Variants in PIKFYVE observed in about 807,000 individuals in gnomAD.
The protein encoded by PIKFYVE is 1-phosphatidylinositol 3-phosphate 5-kinase.
PIKFYVE carries 122 observed loss-of-function variants against 257.9 expected under a neutral mutation model. That is an observed-to-expected ratio of 0.47 (90% CI 0.41 to 0.55). The LOEUF is 0.55. Among genes scored for constraint, PIKFYVE ranks in the 20% least tolerant of loss-of-function variants. The probability of loss-of-function intolerance (pLI) is 0.00; values close to 1 mark genes in which losing one functional copy is unlikely to be tolerated. For missense variants in PIKFYVE, 2,160 were observed against 2,536.6 expected, an observed-to-expected ratio of 0.85 and a Z score of 3.19; for synonymous variants, 892 against 868.9, an observed-to-expected ratio of 1.03 and a Z score of -0.47.
chr2:208,324,390 G>A (rs1696672033), intron 18 of PIKFYVE, 108 bp downstream of exon 18: 3 of 1,188,410 alleles, frequency 2.5e-6, no homozygotes, highest in East Asian at 2.5e-5. Context: ...TGTTCTATTT[G>A]TATTGAAAGT....
At chr2:208,301,665 A>G (rs1042693524) in intron 9 of PIKFYVE, among the ~76,000 whole-genome samples, 9 of 152,166 alleles carry the variant, frequency 5.9e-5, no homozygotes, top group African/African-American at 9.7e-5. Context: ...GGCTGTATAT[A>G]TTTTTTAGCT....
chr2:208,315,116 CTGTT>C, intron 14 of PIKFYVE, 73 bp from the exon 15 acceptor site: 2 of 1,267,424 alleles, frequency 1.6e-6, no homozygotes, highest in East Asian at 2.4e-5. Flanking sequence ...TCTTTGTAGG[CTGTT>C]TGTTTTATCA....
chr2:208,309,837 T>G (rs1367122977), intron 12 of PIKFYVE, among the ~76,000 whole-genome samples: 1 of 152,210 alleles, frequency 6.6e-6, no homozygotes, highest in Non-Finnish European at 1.5e-5. Context: ...CTTCTAAGTT[T>G]TCTTTTAATT....
chr2:208,276,210 C>G (rs1358515298), intron 3 of PIKFYVE, among the ~76,000 whole-genome samples: 1 of 152,178 alleles, frequency 6.6e-6, no homozygotes, highest in South Asian at 2.1e-4. Flanking sequence ...GGCTATTAAA[C>G]TTCTTTCTGA....
chr2:208,353,556 T>TC (rs1699960724), intron 39 of PIKFYVE, among the ~76,000 whole-genome samples: 1 of 152,130 alleles, frequency 6.6e-6, no homozygotes, highest in Non-Finnish European at 1.5e-5. Flanking sequence ...TTTTTTTTTT[T>TC]AACACTGTTT....
At chr2:208,327,601 C>T (rs539513324) in intron 20 of PIKFYVE, among the ~76,000 whole-genome samples, 2 of 152,270 alleles carry the variant, frequency 1.3e-5, no homozygotes, top group Admixed American at 6.5e-5. Context: ...GTATGTGGGA[C>T]AGGTATGTAA....
In PIKFYVE at chr2:208,354,024, C is replaced by A; in HGVS notation, c.5971C>A (p.Arg1991Ser). 2 of 1,614,074 alleles carry A rather than the reference C, an allele frequency of 1.2e-6. No individual in the cohort carries two copies. The highest frequency in any genetic ancestry group is 1.7e-6 in the Non-Finnish European group (2 of 1,179,980). Residue 1991 changes from arginine (R) to serine (S), a missense_variant, in exon 40 of 42, where the codon CGT becomes AGT. Around this residue, in one of 12 missense-constraint regions of PIKFYVE, gnomAD observed 699 missense variants for 855.8 expected, o/e 0.82. Coordinates refer to ENST00000264380, the MANE Select transcript of PIKFYVE (RefSeq NM_015040.4). ...GGTTCGAGACAACCCTCTATATATTCGTTCTCATTCCAAAGCTGTGCTGAG... is the reference window on the plus strand; with the variant it reads ...GGTTCGAGACAACCCTCTATATATTAGTTCTCATTCCAAAGCTGTGCTGAG... ...KMVRDNPLYIRSHSKAVLRTS... is the reference protein window; with the variant it reads ...KMVRDNPLYISSHSKAVLRTS...
At chr2:208,299,505 G>C (rs1477338616) in intron 8 of PIKFYVE, among the ~76,000 whole-genome samples, 1 of 151,950 alleles carries the variant, frequency 6.6e-6, no homozygotes, top group East Asian at 2.0e-4. Context: ...GGTCAGGATG[G>C]TCTCAATCTC....
chr2:208,336,849 T>G lies in PIKFYVE; in HGVS notation c.4532T>G (p.Leu1511Arg), dbSNP rs1051918708. The change falls in exon 28 of 42, where the codon CTT (leucine) becomes CGT (arginine). Residue 1511 changes from leucine to arginine, a missense_variant. Coordinates refer to ENST00000264380, the MANE Select transcript of PIKFYVE (RefSeq NM_015040.4). ...LQAWNNRLQDLFQQEKGRKRP... is the reference protein window; with the variant it reads ...LQAWNNRLQDRFQQEKGRKRP... ...GCTTTTGGCCACAGGTTGCAGGACC[T>G]TTTCCAACAGGAAAAGGGTAGAAAG... 6.2e-7 allele frequency: 1 copy of G among 1,610,148 alleles called. No homozygotes were observed. Among genetic ancestry groups the G allele is most frequent in the African/African-American group, 1.3e-5 (1 of 74,782 alleles).
At chr2:208,312,343 G>A (rs1212092513) in intron 13 of PIKFYVE, 48 bp downstream of exon 13, 1 of 1,434,120 alleles carries the variant, frequency 7.0e-7, no homozygotes, top group South Asian at 1.2e-5. Flanking sequence ...TTTTTTTCAT[G>A]AGGATATACT....
At chr2:208,274,140 T>G in intron 3 of PIKFYVE, 1 of 1,404,732 alleles carries the variant, frequency 7.1e-7, no homozygotes, top group Non-Finnish European at 9.9e-7. Context: ...TGCAGAACTC[T>G]GTCAACTCCA....
intron 6 of PIKFYVE, among the ~76,000 whole-genome samples, chr2:208,288,453 G>A (rs1215156036): frequency 6.6e-6 from 1 of 152,076 alleles, no homozygotes; most frequent in African/African-American, 2.4e-5. Flanking sequence ...AATGTTAGAC[G>A]TTTCAAAGGC....
intron 12 of PIKFYVE, among the ~76,000 whole-genome samples, chr2:208,311,010 A>G (rs1025205277): frequency 6.6e-6 from 1 of 152,172 alleles, no homozygotes; most frequent in Non-Finnish European, 1.5e-5. Flanking sequence ...AAGTGTCATG[A>G]TGTGTGTAAC....
At chr2:208,270,821 G>C (rs1306027739) in intron 1 of PIKFYVE, among the ~76,000 whole-genome samples, 1 of 152,092 alleles carries the variant, frequency 6.6e-6, no homozygotes, top group African/African-American at 2.4e-5. Context: ...ATTACCTGAA[G>C]TCAGGAGTTG....
chr2:208,273,308 A>T (rs1689670158), intron 2 of PIKFYVE, among the ~76,000 whole-genome samples: 2 of 152,120 alleles, frequency 1.3e-5, no homozygotes, highest in Admixed American at 6.5e-5. Context: ...TTCTTTTTTT[A>T]AAATCTAGGC....
At position 208,302,303 on chromosome 2, in the gene PIKFYVE, C is replaced by A; in HGVS notation, c.1270C>A (p.His424Asn). ...VDGRWLDCVS[H>N]HDQLFRDEYA... ...TGGACGTTGGCTGGATTGTGTTAGT[C>A]ATCACGACCAGCTTTTCAGAGATGA... The change falls in exon 10 of 42, where the codon CAT (histidine) becomes AAT (asparagine). Residue 424 changes from histidine (H) to asparagine (N), a missense_variant. Transcript: ENST00000264380. 1 of 1,614,132 alleles carries A rather than the reference C, an allele frequency of 6.2e-7. No homozygotes were observed. The highest frequency in any genetic ancestry group is 1.1e-5 in the South Asian group (1 of 91,078).
chr2:208,347,738 A>G, intron 34 of PIKFYVE, 121 bp from the exon 35 acceptor site: 3 of 841,458 alleles, frequency 3.6e-6, no homozygotes, highest in Non-Finnish European at 5.8e-6. Flanking sequence ...AAGTATTTGC[A>G]TTACTCAGAT....
intron 27 of PIKFYVE, 100 bp from the exon 28 acceptor site, chr2:208,336,738 A>G: frequency 1.4e-6 from 1 of 740,724 alleles, no homozygotes; most frequent in South Asian, 1.6e-5. Context: ...CAAATAGGAA[A>G]ACTTTGTGAT....
chr2:208,305,424 C>T (rs558209175), intron 12 of PIKFYVE: 1 of 1,039,426 alleles, frequency 9.6e-7, no homozygotes, highest in African/African-American at 1.7e-5. Flanking sequence ...TCACTAAACC[C>T]ATTAAGATGC....
Sources: gnomAD v4.1 joint callset for allele counts (sites outside exome capture counted in the v4.1 genomes callset) on GRCh38, gnomAD v4.1.1 for gene constraint, gnomAD v4.1.1 regional missense constraint, MANE v1.5 for transcripts, NCBI Gene and HGNC (gene_info 2026-07-23, HGNC 2026-07-21) for gene names.